The following PRR33 variants were observed in gnomAD, a reference collection of about 807,000 sequenced individuals.
PRR33 encodes the protein proline rich 33.
PRR33 carries 1 observed loss-of-function variant against 0.5 expected under a neutral mutation model. The observed-to-expected ratio is 2.18, with a 90% CI of 0.77 to 10.34. PRR33 has a LOEUF of 10.34. PRR33 is among the 30% of genes most tolerant of loss of function. PRR33 has a pLI of 0.13. For synonymous variants in PRR33, 226 were observed against 110.0 expected (o/e 2.06, Z -6.60); for missense variants, 552 against 251.8 (o/e 2.19, Z -8.07).
the PRR33 span, among the ~76,000 whole-genome samples, chr11:1,905,122 CTTTTTTTTT>C: frequency 2.1e-5 from 2 of 96,584 alleles, no homozygotes; most frequent in Admixed American, 1.3e-4. Context: ...CTTGAGAATT[CTTTTTTTTT>C]TTTTTTTTTT....
the PRR33 span, among the ~76,000 whole-genome samples, chr11:1,917,690 C>T: frequency 1.8e-3 from 277 of 152,386 alleles, 1 homozygote; most frequent in Admixed American, 4.9e-3. Context: ...GTCCCTGCTA[C>T]GCCTCAGGCC....
At chr11:1,896,879 A>G (rs1849130777), upstream of PRR33, among the ~76,000 whole-genome samples, 2 of 152,234 alleles carry the variant, frequency 1.3e-5, no homozygotes, top group Admixed American at 6.5e-5. Flanking sequence ...CTTTTTCTGT[A>G]CTGTTAAAAG....
the PRR33 span, among the ~76,000 whole-genome samples, chr11:1,907,526 C>T: frequency 6.6e-6 from 1 of 152,344 alleles, no homozygotes; most frequent in African/African-American, 2.4e-5. Context: ...ATTCTCCTGC[C>T]TAAGCCTCCC....
chr11:1,914,873 G>A, the PRR33 span, among the ~76,000 whole-genome samples: 2 of 147,814 alleles, frequency 1.4e-5, no homozygotes, highest in Non-Finnish European at 3.0e-5. Context: ...GTGTGTGTGT[G>A]TGTGTGTTGT....
chr11:1,898,093 C>T, the PRR33 span, among the ~76,000 whole-genome samples: 9 of 152,182 alleles, frequency 5.9e-5, no homozygotes, highest in African/African-American at 9.7e-5. Flanking sequence ...GCATCGGCAA[C>T]GGCACAGACG....
upstream of PRR33, among the ~76,000 whole-genome samples, chr11:1,893,055 G>T (rs375188732): frequency 2.7e-5 from 4 of 148,276 alleles, no homozygotes; most frequent in Non-Finnish European, 6.0e-5. Context: ...GAATGGATGG[G>T]TAGGTGGGTG....
At chr11:1,893,376 G>C (rs1210438562), upstream of PRR33, among the ~76,000 whole-genome samples, 1 of 151,484 alleles carries the variant, frequency 6.6e-6, no homozygotes, top group Non-Finnish European at 1.5e-5. Context: ...TGGACTAATG[G>C]ATGGATGAGT....
the PRR33 span, among the ~76,000 whole-genome samples, chr11:1,915,854 A>G: frequency 6.6e-6 from 1 of 150,726 alleles, no homozygotes; most frequent in African/African-American, 2.5e-5. Flanking sequence ...AGATGGATGG[A>G]TGGATGGATA....
the PRR33 span, among the ~76,000 whole-genome samples, chr11:1,908,277 G>A: frequency 3.3e-5 from 5 of 152,022 alleles, no homozygotes; most frequent in East Asian, 1.9e-4. Context: ...TCTCCTGTAC[G>A]AATTTCAGCT....
chr11:1,896,653 C>T (rs778036286), upstream of PRR33, among the ~76,000 whole-genome samples: 2 of 152,094 alleles, frequency 1.3e-5, no homozygotes, highest in Non-Finnish European at 2.9e-5. Flanking sequence ...CCTAATTGCA[C>T]GAGCAGGAAC....
chr11:1,890,587 CTG>C (rs2133146226), exon 1 of PRR33: 1 of 705,968 alleles, frequency 1.4e-6, no homozygotes, highest in Non-Finnish European at 2.6e-6. Context: ...ATGAGCATGA[CTG>C]TGTCCTAGGG....
chr11:1,900,914 G>C, the PRR33 span, among the ~76,000 whole-genome samples: 6 of 152,180 alleles, frequency 3.9e-5, no homozygotes, highest in Non-Finnish European at 5.9e-5. Context: ...ACTGGGAAAG[G>C]CTGTTATCGT....
chr11:1,904,987 T>C, the PRR33 span, among the ~76,000 whole-genome samples: 8,347 of 152,160 alleles, frequency 0.055, 428 homozygotes, highest in East Asian at 0.16. Context: ...AATTTTGTTC[T>C]ATTATTTATT....
exon 1 of PRR33, chr11:1,891,893 C>T (rs1047549679): frequency 2.0e-5 from 3 of 152,450 alleles, no homozygotes; most frequent in Admixed American, 1.3e-4. Flanking sequence ...CATGACCTAC[C>T]CTCGCCTCTT....
chr11:1,900,032 A>G, the PRR33 span, among the ~76,000 whole-genome samples: 1 of 150,892 alleles, frequency 6.6e-6, no homozygotes, highest in Non-Finnish European at 1.5e-5. Flanking sequence ...TCAAATATAT[A>G]TATGTATATT....
At chr11:1,909,477 G>A in the PRR33 span, among the ~76,000 whole-genome samples, 1 of 152,182 alleles carries the variant, frequency 6.6e-6, no homozygotes, top group South Asian at 2.1e-4. Flanking sequence ...CGGGCGTGGT[G>A]GCACGCGCCT....
the PRR33 span, chr11:1,890,504 CA>C: frequency 1.4e-6 from 1 of 716,798 alleles, no homozygotes; most frequent in African/African-American, 1.7e-5. Context: ...GCTTGGGCAG[CA>C]GGGGCGGTGG....
chr11:1,908,478 G>T, the PRR33 span, among the ~76,000 whole-genome samples: 7 of 151,888 alleles, frequency 4.6e-5, no homozygotes, highest in South Asian at 1.5e-3. Flanking sequence ...TGTCATTCAA[G>T]TTTGTCATTT....
rs560297611 is a variant in PRR33 at position 1,889,761 on chromosome 11, C to T, written c.824G>A (p.Arg275His). Residue 275 changes from arginine (R) to histidine (H), a missense_variant, in exon 1 of 1, where the codon CGC becomes CAC. Transcript: ENST00000640310. ...GCTGTGCGGTGAGGACTCCAGCGAG[C>T]GGCAGGTCGGGGCTATGGGCACCAC... is the stretch of plus-strand genomic sequence containing the variant. 94 of 651,806 alleles carry T rather than the reference C, an allele frequency of 1.4e-4. 2 individuals are homozygous for T. Among genetic ancestry groups the T allele is most frequent in the South Asian group, 1.4e-3 (83 of 57,962 alleles). 40.4% of individuals were successfully genotyped at this position (651,806 alleles called of 1,614,324 possible).
Sources: gnomAD v4.1 joint callset for allele counts (sites outside exome capture counted in the v4.1 genomes callset) on GRCh38, gnomAD v4.1.1 for gene constraint, MANE v1.5 for transcripts, NCBI Gene and HGNC (gene_info 2026-07-23, HGNC 2026-07-21) for gene names.